The following CCDC15 variants were observed in gnomAD, a reference collection of about 807,000 sequenced individuals.
CCDC15 encodes the protein coiled-coil domain containing 15, also known as coiled-coil domain-containing protein 15.
In CCDC15, 105 loss-of-function variants were observed where a neutral mutation model predicts 114.5. The ratio of observed to expected loss-of-function variants is 0.92; its 90% CI spans 0.78 to 1.08. The LOEUF (loss-of-function observed/expected upper bound fraction) is 1.08, where lower values mean the gene tolerates loss of function less well. Among genes scored for constraint, CCDC15 ranks in the 50% least tolerant of loss-of-function variants. The probability of loss-of-function intolerance (pLI) is 0.00; values close to 1 mark genes in which losing one functional copy is unlikely to be tolerated. For synonymous variants in CCDC15, 334 were observed against 377.8 expected, an observed-to-expected ratio of 0.88 and a Z score of 1.34; for missense variants, 1,105 against 1,093.6, an observed-to-expected ratio of 1.01 and a Z score of -0.15.
chr11:124,959,350 T>A (rs1947615233), intron 3 of CCDC15, 86 bp downstream of exon 3: 2 of 1,133,102 alleles, frequency 1.8e-6, no homozygotes, highest in Non-Finnish European at 1.2e-6. Context: ...CAGAATTGCT[T>A]TCCTTTGATT....
chr11:125,011,242 A>ATTTT (rs558615124), intron 13 of CCDC15, among the ~76,000 whole-genome samples: 27 of 143,528 alleles, frequency 1.9e-4, no homozygotes, highest in East Asian at 1.8e-3. Context: ...TATTATTATT[A>ATTTT]TTATTATTTT....
intron 13 of CCDC15, among the ~76,000 whole-genome samples, chr11:125,029,413 A>G (rs2135540457): frequency 6.6e-6 from 1 of 152,324 alleles, no homozygotes; most frequent in African/African-American, 2.4e-5. Flanking sequence ...TCTTCATACA[A>G]CCGGAAACGC....
chr11:125,035,805 C>T (rs1186176172), intron 13 of CCDC15, among the ~76,000 whole-genome samples: 1 of 152,084 alleles, frequency 6.6e-6, no homozygotes, highest in Non-Finnish European at 1.5e-5. Context: ...TTGTTTTAAA[C>T]TGATGACAAC....
In CCDC15 at chr11:124,954,746, T is replaced by C. The variant is rs771181701; in HGVS notation, c.14T>C (p.Met5Thr). MLGS[M>T]ARKKPRNTSR... ...CAGGAGTCACAGATGCTGGGAAGTATGGCCCGAAAGAAACCTCGAAATACC... is the reference window on the plus strand; with the variant it reads ...CAGGAGTCACAGATGCTGGGAAGTACGGCCCGAAAGAAACCTCGAAATACC... Residue 5 changes from methionine to threonine, a missense_variant, in exon 2 of 16, where the codon ATG becomes ACG. By Grantham distance (81) the Met-to-Thr change is moderately conservative (BLOSUM62 -1). Coordinates refer to ENST00000344762, the MANE Select transcript of CCDC15 (RefSeq NM_025004.3). 1 of 1,613,810 alleles carries C rather than the reference T, an allele frequency of 6.2e-7. No homozygotes were observed. The highest frequency in any genetic ancestry group is 8.5e-7 in the Non-Finnish European group (1 of 1,179,844).
Position 125,003,891 on chromosome 11 carries a change from T to C in CCDC15, c.2239T>C (p.Leu747=), listed in dbSNP as rs774719492. 11 of 1,565,024 alleles carry C rather than the reference T, an allele frequency of 7.0e-6. No individual in the cohort carries two copies. The highest frequency in any genetic ancestry group is 1.4e-5 in the African/African-American group (1 of 71,664). ...GGCTTATGATAGGTATCAATCAGGA[T>C]TGAGCACTGAATTCCAAGCTCCACT... is the stretch of plus-strand genomic sequence containing the variant. ...PLAYDRYQSG[L]STEFQAPLAF... is the part of the protein sequence containing the mutation. The change falls in exon 12 of 16, where the codon TTG becomes CTG. Residue 747 remains leucine (L), a synonymous_variant. Transcript: ENST00000344762.
intron 2 of CCDC15, among the ~76,000 whole-genome samples, chr11:124,958,537 G>A (rs1947594866): frequency 6.6e-6 from 1 of 152,072 alleles, no homozygotes; most frequent in African/African-American, 2.4e-5. Context: ...CTCTGTACTA[G>A]ATGCCGTAGG....
intron 11 of CCDC15, among the ~76,000 whole-genome samples, chr11:125,001,893 T>C (rs1007532938): frequency 6.6e-6 from 1 of 152,194 alleles, no homozygotes; most frequent in Non-Finnish European, 1.5e-5. Flanking sequence ...GGGCATATTT[T>C]TCACTTCTCT....
intron 9 of CCDC15, among the ~76,000 whole-genome samples, chr11:124,992,021 G>A (rs190605573): frequency 1.4e-4 from 22 of 152,306 alleles, no homozygotes; most frequent in Non-Finnish European, 2.5e-4. Flanking sequence ...ACATTAGTGG[G>A]AAGATGATCC....
At chr11:125,038,208 C>A in intron 13 of CCDC15, 1 of 315,294 alleles carries the variant, frequency 3.2e-6, no homozygotes, top group Non-Finnish European at 5.7e-6. Context: ...GCATGAGCCA[C>A]CGCACCTAGC....
intron 4 of CCDC15, among the ~76,000 whole-genome samples, chr11:124,973,616 C>G (rs1292612328): frequency 6.6e-6 from 1 of 151,906 alleles, no homozygotes; most frequent in South Asian, 2.1e-4. Context: ...ATTAATAAAG[C>G]CATAAAATTT....
rs763002180 is a variant in CCDC15 at position 125,038,962 on chromosome 11, A to G, written c.2627A>G (p.Gln876Arg). The G allele has an allele frequency of 6.2e-7, 1 of 1,613,522 alleles. No individual in the cohort carries two copies. The highest frequency in any genetic ancestry group is 2.2e-5 in the East Asian group (1 of 44,864). ...CGAGCCCAAATCCAGGAGAAAATGC[A>G]GCTGTATAATATTACTTTACCTCCA... ...ALRAQIQEKM[Q>R]LYNITLPPLC... is the part of the protein sequence containing the mutation. Residue 876 changes from glutamine to arginine, a missense_variant, in exon 15 of 16, where the codon CAG becomes CGG. Coordinates refer to ENST00000344762, the MANE Select transcript of CCDC15 (RefSeq NM_025004.3).
At chr11:125,015,444 A>G (rs1031416752) in intron 13 of CCDC15, among the ~76,000 whole-genome samples, 1 of 152,202 alleles carries the variant, frequency 6.6e-6, no homozygotes, top group African/African-American at 2.4e-5. Flanking sequence ...CAGTAAGAGA[A>G]CATTATAAAC....
At chr11:125,019,812 A>G (rs1948650338) in intron 13 of CCDC15, among the ~76,000 whole-genome samples, 1 of 151,986 alleles carries the variant, frequency 6.6e-6, no homozygotes, top group East Asian at 1.9e-4. Context: ...TACCAGTAGG[A>G]AATGATAAGT....
At chr11:125,029,709 C>G (rs181842267) in intron 13 of CCDC15, among the ~76,000 whole-genome samples, 7 of 152,314 alleles carry the variant, frequency 4.6e-5, no homozygotes, top group African/African-American at 1.7e-4. Flanking sequence ...GCAAGCACCT[C>G]GGAGAGTCTT....
At chr11:125,034,159 T>C (rs1251357792) in intron 13 of CCDC15, among the ~76,000 whole-genome samples, 1 of 152,096 alleles carries the variant, frequency 6.6e-6, no homozygotes, top group Non-Finnish European at 1.5e-5. Context: ...GGTGGAAAGG[T>C]TGATAGGAAT....
chr11:125,026,858 C>T (rs1286251022), intron 13 of CCDC15, among the ~76,000 whole-genome samples: 1 of 152,076 alleles, frequency 6.6e-6, no homozygotes, highest in African/African-American at 2.4e-5. Context: ...GTACACTGTA[C>T]CCAATAGGTA....
At chr11:124,977,631 A>T in intron 6 of CCDC15, 31 bp downstream of exon 6, 6 of 1,587,552 alleles carry the variant, frequency 3.8e-6, no homozygotes, top group Non-Finnish European at 5.1e-6. Context: ...GAGGGGAAAG[A>T]CATTGGCTTA....
intron 6 of CCDC15, among the ~76,000 whole-genome samples, chr11:124,978,981 A>AT (rs1948022407): frequency 6.6e-6 from 1 of 152,032 alleles, no homozygotes; most frequent in Admixed American, 6.6e-5. Context: ...TATATATGGC[A>AT]TAAGGAATGA....
chr11:125,020,704 A>G (rs1441376268), intron 13 of CCDC15, among the ~76,000 whole-genome samples: 3 of 151,978 alleles, frequency 2.0e-5, no homozygotes, highest in Non-Finnish European at 4.4e-5. Flanking sequence ...TGACATATTG[A>G]TTTCTGACCT....
Sources: gnomAD v4.1 joint callset for allele counts (sites outside exome capture counted in the v4.1 genomes callset) on GRCh38, gnomAD v4.1.1 for gene constraint, MANE v1.5 for transcripts, NCBI Gene and HGNC (gene_info 2026-07-23, HGNC 2026-07-21) for gene names.